NFX1: variants seen among roughly 807,000 people sequenced by gnomAD.
NFX1 encodes the protein transcriptional repressor NF-X1.
Under a neutral mutation model 137.2 loss-of-function variants are expected in NFX1, and 69 were observed. That is an observed-to-expected ratio of 0.50 (90% CI 0.41 to 0.61). The LOEUF is 0.61. Ranked by LOEUF, NFX1 falls within the 20% of genes least tolerant of loss-of-function variation. The pLI is 0.00. For synonymous variants in NFX1, 495 were observed against 474.1 expected (o/e 1.04, Z -0.57); for missense variants, 1,167 against 1,391.0 (o/e 0.84, Z 2.56).
intron 19 of NFX1, among the ~76,000 whole-genome samples, chr9:33,359,159 T>C (rs1217548555): frequency 1.3e-5 from 2 of 152,234 alleles, no homozygotes; most frequent in Non-Finnish European, 2.9e-5. Context: ...AGTAATTTTA[T>C]TTATTGTCAA....
rs746224922 is a variant in NFX1 at position 33,301,300 on chromosome 9, G to A, written c.1071G>A (p.Glu357=). 12 of 1,614,144 alleles carry A rather than the reference G, an allele frequency of 7.4e-6. No homozygotes were observed. The Admixed American group carries it at 2.0e-4, about 27-fold the overall frequency. The change falls in exon 3 of 24, where the codon GAG becomes GAA. Residue 357 remains glutamate (E), a synonymous_variant. Transcript: ENST00000379540. ...AACAACTAACAACAGAAAAATACGA[G>A]TGCATGGTGTGCTGTGAATTGGTTC... ...LIEQLTTEKY[E]CMVCCELVRV...
In NFX1 at chr9:33,291,726, ACC is replaced by A. The variant is rs1821168714; in HGVS notation, c.25+1132_25+1133del. Reference sequence around the variant, plus strand: ...AGACCATCCTGGCTAACACGGTGAAACCCCGTCTCTACTAAAAATACAAAAAA... The same window carrying A: ...AGACCATCCTGGCTAACACGGTGAAACCGTCTCTACTAAAAATACAAAAAA... On this transcript the variant is annotated intron_variant, in intron 1 of 23. Transcript: ENST00000379540. 4.6e-5 allele frequency among the ~76,000 whole-genome samples: 7 copies of A among 152,240 alleles called. No homozygotes were observed. The South Asian group carries it at 1.5e-3, about 32-fold the overall frequency.
chr9:33,348,581 A>T, intron 15 of NFX1: 1 of 169,874 alleles, frequency 5.9e-6, no homozygotes, highest in Non-Finnish European at 1.2e-5. Context: ...TGCGAGAATT[A>T]CCAAAATGTG....
chr9:33,306,484 CCT>C (rs530610576), intron 4 of NFX1, among the ~76,000 whole-genome samples: 14 of 152,224 alleles, frequency 9.2e-5, no homozygotes, highest in South Asian at 2.1e-4. Flanking sequence ...GTGGATTGCA[CCT>C]CTCAACATGA....
rs376066384 is a variant in NFX1, at chr9:33,328,898, G to A, written c.2004+220G>A. On this transcript the variant is annotated intron_variant, in intron 10 of 23. Transcript: ENST00000379540. Reference sequence around the variant, plus strand: ...AAGGGGAACAGTAGCACTGTTGCAAGGAGTCAGCCAACTAAGAAGTTAGAG... The same window carrying A: ...AAGGGGAACAGTAGCACTGTTGCAAAGAGTCAGCCAACTAAGAAGTTAGAG... 9.8e-5 allele frequency among the ~76,000 whole-genome samples: 15 copies of A among 152,302 alleles called. No homozygotes were observed. The East Asian group carries it at 2.7e-3, about 27-fold the overall frequency.
intron 11 of NFX1, among the ~76,000 whole-genome samples, chr9:33,338,097 G>A (rs1326169187): frequency 6.6e-6 from 1 of 151,250 alleles, no homozygotes; most frequent in East Asian, 1.9e-4. Flanking sequence ...GCTCACACCT[G>A]TAATCTCAGC....
chr9:33,307,121 C>G, intron 4 of NFX1, 73 bp from the exon 5 acceptor site: 1 of 1,203,258 alleles, frequency 8.3e-7, no homozygotes, highest in Non-Finnish European at 1.2e-6. Context: ...CCTAGCTATA[C>G]TTTACTGTTT....
intron 1 of NFX1, 84 bp from the exon 2 acceptor site, chr9:33,294,336 A>G (rs955748940): frequency 7.8e-7 from 1 of 1,277,558 alleles, no homozygotes; most frequent in African/African-American, 1.5e-5. Context: ...TAAGGAAAGT[A>G]ATTTTTAGAT....
intron 21 of NFX1, chr9:33,365,693 C>G (rs1349675149): frequency 6.6e-6 from 1 of 152,180 alleles, no homozygotes; most frequent in African/African-American, 2.4e-5. Flanking sequence ...TGAGGGGGCT[C>G]AATAGTGATA....
At chr9:33,344,903 T>A (rs1298421129) in intron 14 of NFX1, among the ~76,000 whole-genome samples, 1 of 151,946 alleles carries the variant, frequency 6.6e-6, no homozygotes, top group African/African-American at 2.4e-5. Context: ...GGCTCATGCC[T>A]GTAATCCTAG....
At chr9:33,367,332 G>C (rs766918659) in intron 22 of NFX1, among the ~76,000 whole-genome samples, 183 bp from the exon 23 acceptor site, 4 of 152,178 alleles carry the variant, frequency 2.6e-5, no homozygotes, top group Admixed American at 2.0e-4. Flanking sequence ...CACGGGCCTG[G>C]CATAGGTGGG....
intron 10 of NFX1, among the ~76,000 whole-genome samples, chr9:33,329,396 C>T (rs997323160): frequency 6.6e-6 from 1 of 152,132 alleles, no homozygotes; most frequent in African/African-American, 2.4e-5. Context: ...GACCCAAAAC[C>T]CCTGCCCTAA....
intron 12 of NFX1, 143 bp from the exon 13 acceptor site, chr9:33,342,603 C>T (rs1823268813): frequency 3.1e-6 from 2 of 641,776 alleles, no homozygotes; most frequent in Non-Finnish European, 5.3e-6. Flanking sequence ...CCTACTCTCC[C>T]TTCTGTGGCT....
rs141333079 is a variant in NFX1 at position 33,318,939 on chromosome 9, C to T, written c.1718C>T (p.Ser573Leu). 992 of 1,614,212 alleles carry T rather than the reference C, an allele frequency of 6.1e-4. No homozygotes were observed. The highest frequency in any genetic ancestry group is 7.9e-4 in the Non-Finnish European group (937 of 1,180,040). ...TTGAAATGCGGTAACCATACATGTT[C>T]GCAAGTGTGCCACCCTCAGCCCTGC... is the stretch of plus-strand genomic sequence containing the variant. ...KDLKCGNHTCSQVCHPQPCQQ... is the reference protein window; with the variant it reads ...KDLKCGNHTCLQVCHPQPCQQ... The change falls in exon 9 of 24, where the codon TCG (serine) becomes TTG (leucine). Residue 573 changes from serine (S) to leucine (L), a missense_variant. Ser to Leu is a moderately radical substitution (Grantham distance 145). This residue lies in a region of NFX1 where 488 missense variants were observed against 691.5 expected (regional missense o/e 0.71). Transcript: ENST00000379540.
chr9:33,346,841 C>A (rs756671203), intron 14 of NFX1, among the ~76,000 whole-genome samples, 197 bp from the exon 15 acceptor site: 1 of 152,166 alleles, frequency 6.6e-6, no homozygotes, highest in Middle Eastern at 3.2e-3. Flanking sequence ...GGTTGGGTTT[C>A]TTTTTCTCAC....
chr9:33,301,376 T>C lies in NFX1; in HGVS notation c.1147T>C (p.Leu383=), dbSNP rs1397054614. The stretch of plus-strand genomic sequence containing the variant: ...TCAGAGCTGTTACCATGTGTTTCAT[T>C]TGAACTGCATAAAGAAATGGGCAAG... ...SCQSCYHVFH[L]NCIKKWARSP... is the part of the protein sequence containing the mutation. Residue 383 remains leucine (L), a synonymous_variant, in exon 3 of 24, where the codon TTG becomes CTG. Coordinates refer to ENST00000379540, the MANE Select transcript of NFX1 (RefSeq NM_002504.6). 2 of 1,614,046 alleles carry C rather than the reference T, an allele frequency of 1.2e-6. No homozygotes were observed.
chr9:33,322,137 G>A (rs1822409220), intron 9 of NFX1, among the ~76,000 whole-genome samples: 1 of 150,564 alleles, frequency 6.6e-6, no homozygotes, highest in South Asian at 2.1e-4. Flanking sequence ...GGGGGCAGTA[G>A]TTGCAGTGAA....
intron 11 of NFX1, among the ~76,000 whole-genome samples, chr9:33,336,163 G>A (rs1247333679): frequency 6.6e-6 from 1 of 152,106 alleles, no homozygotes; most frequent in Non-Finnish European, 1.5e-5. Flanking sequence ...ATCAGTGTAT[G>A]AGGGTTTCAT....
chr9:33,304,701 C>T (rs1055559136), intron 4 of NFX1, among the ~76,000 whole-genome samples: 1 of 152,080 alleles, frequency 6.6e-6, no homozygotes, highest in Non-Finnish European at 1.5e-5. Flanking sequence ...ATTTTCCGGT[C>T]TTACATGTTT....
Sources: allele counts gnomAD v4.1 joint callset (sites outside exome capture counted in the v4.1 genomes callset), GRCh38; gene constraint gnomAD v4.1.1; regional missense constraint gnomAD v4.1.1; transcripts MANE v1.5; gene names NCBI Gene and HGNC (gene_info 2026-07-23, HGNC 2026-07-21).